DAPK2: variants seen among roughly 807,000 people sequenced by gnomAD.
DAPK2 encodes the protein death associated protein kinase 2, also known as death-associated protein kinase 2.
A neutral mutation model predicts 44.1 loss-of-function variants in DAPK2; 35 were observed. The ratio of observed to expected loss-of-function variants is 0.79; its 90% CI spans 0.61 to 1.05. The LOEUF (loss-of-function observed/expected upper bound fraction) is 1.05. DAPK2 is among the 50% of genes least tolerant of loss of function. The pLI is 0.00. For missense variants in DAPK2, 453 were observed against 483.2 expected (o/e 0.94, Z 0.59); for synonymous variants, 174 against 182.6 (o/e 0.95, Z 0.38).
chr15:63,936,246 T>C (rs914883957), intron 4 of DAPK2, among the ~76,000 whole-genome samples: 1 of 152,186 alleles, frequency 6.6e-6, no homozygotes, highest in African/African-American at 2.4e-5. Flanking sequence ...CTGCTCTAGC[T>C]CTAGGTTCAA....
At chr15:63,964,627 C>T (rs1361352344) in intron 3 of DAPK2, among the ~76,000 whole-genome samples, 1 of 151,878 alleles carries the variant, frequency 6.6e-6, no homozygotes, top group African/African-American at 2.4e-5. Context: ...TATAGGAATG[C>T]TTCATTCTTT....
chr15:63,945,520 AGGGAG>A (rs1482936307), intron 3 of DAPK2, among the ~76,000 whole-genome samples: 1 of 152,170 alleles, frequency 6.6e-6, no homozygotes, highest in African/African-American at 2.4e-5. Context: ...AACGGCACTA[AGGGAG>A]GGTCCAAAAG....
intron 1 of DAPK2, among the ~76,000 whole-genome samples, chr15:64,036,319 G>GTATATATACATA (rs2080193055): frequency 1.8e-5 from 1 of 56,662 alleles, no homozygotes; most frequent in Non-Finnish European, 4.0e-5. Flanking sequence ...GTATATATAT[G>GTATATATACATA]TATATATATA....
exon 2 of DAPK2, chr15:63,983,634 G>A (rs375258891): frequency 9.9e-6 from 16 of 1,613,974 alleles, no homozygotes; most frequent in South Asian, 2.2e-5. Flanking sequence ...CCTCCCGCTC[G>A]ATCTCCTCCC....
rs2078799317 is a variant in DAPK2, at chr15:63,911,794, TG to T, written c.1032+113del. ...AAGAGGAGGACTGGGCCAGCAGAACTGGCTGGAAACAGTGAACACCCACCTG... is the reference window on the plus strand; with the variant it reads ...AAGAGGAGGACTGGGCCAGCAGAACTGCTGGAAACAGTGAACACCCACCTG... On this transcript the variant is annotated intron_variant, in intron 10 of 10. Coordinates refer to ENST00000261891, the Ensembl canonical transcript of DAPK2. 2.9e-6 allele frequency: 3 copies of T among 1,039,366 alleles called. No homozygotes were observed. In the East Asian group the frequency reaches 7.8e-5, roughly 27 times the overall value. The allele number at this position is 1,039,366 out of a possible 1,614,324, so 64.4% of individuals were successfully genotyped here.
intron 1 of DAPK2, among the ~76,000 whole-genome samples, chr15:64,033,072 C>T (rs931751655): frequency 3.3e-5 from 5 of 151,442 alleles, no homozygotes; most frequent in Admixed American, 2.0e-4. Context: ...GGTGACAGAG[C>T]GAGACTCCAT....
chr15:64,027,174 G>A (rs2079871850), intron 1 of DAPK2, among the ~76,000 whole-genome samples: 1 of 152,162 alleles, frequency 6.6e-6, no homozygotes. Context: ...TCTGAGGTCA[G>A]GAATTCGAGA....
At chr15:64,042,573 G>A (rs919787050), upstream of DAPK2, among the ~76,000 whole-genome samples, 7 of 152,336 alleles carry the variant, frequency 4.6e-5, no homozygotes, top group African/African-American at 1.7e-4. This position sits in a 1 kb window ranked among gnomAD's most constrained non-coding sequence, Gnocchi z 4.7. Context: ...CAGCAAAATG[G>A]TGAGCCTCTG....
At chr15:63,993,926 T>C (rs1347810145) in intron 1 of DAPK2, among the ~76,000 whole-genome samples, 2 of 152,038 alleles carry the variant, frequency 1.3e-5, no homozygotes, top group African/African-American at 4.8e-5. Context: ...GGTTTCTGGG[T>C]TTCCTACCGC....
rs535101576 is a variant in DAPK2 at position 63,946,589 on chromosome 15, A to G, written c.454-7228T>C. Among the ~76,000 whole-genome samples the G allele has an allele frequency of 1.4e-4, 22 of 152,368 alleles. No homozygotes were observed. The South Asian group carries it at 4.3e-3, about 30-fold the overall frequency. On this transcript the variant is annotated intron_variant, in intron 3 of 10. Coordinates refer to ENST00000261891, the Ensembl canonical transcript of DAPK2. ...TGCTCATTCTTTTCTGGGATGCAGCATGAACAGTCATCCCTGGGAGCTCAC... is the reference window on the plus strand; with the variant it reads ...TGCTCATTCTTTTCTGGGATGCAGCGTGAACAGTCATCCCTGGGAGCTCAC...
At chr15:64,036,070 GGCCA>G (rs1266365511) in intron 1 of DAPK2, among the ~76,000 whole-genome samples, 4 of 151,568 alleles carry the variant, frequency 2.6e-5, no homozygotes, top group Non-Finnish European at 5.9e-5. Context: ...AGACCATCCT[GGCCA>G]GCATGGTGAA....
At chr15:64,000,769 C>T (rs888818509) in intron 1 of DAPK2, among the ~76,000 whole-genome samples, 6 of 152,026 alleles carry the variant, frequency 3.9e-5, no homozygotes, top group Admixed American at 2.6e-4. Flanking sequence ...CAGAGCCTGG[C>T]AAGCTGGGAA....
rs936930714 is a variant in DAPK2, at chr15:64,013,121, C to T, written c.92+27049G>A. Among the ~76,000 whole-genome samples, 2 of 152,330 alleles carry T rather than the reference C, an allele frequency of 1.3e-5. No homozygotes were observed. Among genetic ancestry groups the T allele is most frequent in the South Asian group, 2.1e-4 (1 of 4,826 alleles). ...TGCCACCCCAGACCCCCAGACAACCCATAAGGTGGCAACCAAATCATTAAA... is the reference window on the plus strand; with the variant it reads ...TGCCACCCCAGACCCCCAGACAACCTATAAGGTGGCAACCAAATCATTAAA... On this transcript the variant is annotated intron_variant, in intron 1 of 10. Transcript: ENST00000261891. The surrounding 1 kb of genome is among the most constrained non-coding windows in gnomAD (Gnocchi z 4.7).
At position 63,922,721 on chromosome 15, in the gene DAPK2, C is replaced by T. The variant is rs1474855111; in HGVS notation, c.858+2095G>A. 1.0e-5 allele frequency: 15 copies of T among 1,504,996 alleles called. No individual in the cohort carries two copies. The East Asian group carries it at 2.5e-4, about 25-fold the overall frequency. The allele number at this position is 1,504,996 out of a possible 1,614,324, so 93.2% of individuals were successfully genotyped here. On this transcript the variant is annotated intron_variant, in intron 8 of 10. Transcript: ENST00000261891. ...CAAACCTCTTGGGATGCATCACTGA[C>T]TGGATTCTGGCGATTAGAGCTTCCA... is the stretch of plus-strand genomic sequence containing the variant.
rs1349993483 is a variant in DAPK2 at position 63,939,930 on chromosome 15, C to T, written c.454-569G>A. On this transcript the variant is annotated intron_variant, in intron 3 of 10. Transcript: ENST00000261891. The surrounding 1 kb of genome is among the most constrained non-coding windows in gnomAD (Gnocchi z 4.3). ...GCGTTTAACTAATTTTGGTCCTCAG[C>T]AGGACACAGGAAAAATGCACCCGAT... Among the ~76,000 whole-genome samples the T allele has an allele frequency of 7.2e-5, 11 of 152,254 alleles. No homozygotes were observed. The highest frequency in any genetic ancestry group is 5.2e-4 in the Admixed American group (8 of 15,286).
At chr15:63,983,463 G>C in intron 2 of DAPK2, 70 bp downstream of exon 3, 1 of 1,464,246 alleles carries the variant, frequency 6.8e-7, no homozygotes, top group Non-Finnish European at 9.5e-7. Context: ...GGGGCCTGTG[G>C]CTGGAGTTTC....
Position 63,966,762 on chromosome 15 carries a change from A to G in DAPK2, c.453+4661T>C, listed in dbSNP as rs1342323573. ...CAATTGCTGCACTCTCCCTCCCCCA[A>G]GTGCACAGGTTCTTTCTCCATGCAA... On this transcript the variant is annotated intron_variant, in intron 3 of 10. Transcript: ENST00000261891. This position sits in a 1 kb window ranked among gnomAD's most constrained non-coding sequence, Gnocchi z 5.5. Among the ~76,000 whole-genome samples, 1 of 152,092 alleles carries G rather than the reference A, an allele frequency of 6.6e-6. No individual in the cohort carries two copies. The highest frequency in any genetic ancestry group is 1.5e-5 in the Non-Finnish European group (1 of 67,990).
intron 1 of DAPK2, among the ~76,000 whole-genome samples, chr15:64,009,064 A>G (rs963991598): frequency 6.6e-6 from 1 of 152,012 alleles, no homozygotes; most frequent in African/African-American, 2.4e-5. Flanking sequence ...GCCCTCCTCT[A>G]TTTTCACCTC....
At chr15:63,972,907 T>G (rs1397045030) in intron 2 of DAPK2, among the ~76,000 whole-genome samples, 1 of 152,162 alleles carries the variant, frequency 6.6e-6, no homozygotes, top group Non-Finnish European at 1.5e-5. Flanking sequence ...GGAAGCCAGG[T>G]GCTATTCATC....
Sources: allele counts gnomAD v4.1 joint callset (sites outside exome capture counted in the v4.1 genomes callset), GRCh38; gene constraint gnomAD v4.1.1; non-coding constraint Gnocchi (gnomAD v3.1); transcripts MANE v1.5; gene names NCBI Gene and HGNC (gene_info 2026-07-23, HGNC 2026-07-21).